CAPN14: variants seen among roughly 807,000 people sequenced by gnomAD.
The protein encoded by CAPN14 is calpain-14.
CAPN14 carries 94 observed loss-of-function variants against 101.3 expected under a neutral mutation model. That is an observed-to-expected ratio of 0.93 (90% CI 0.79 to 1.10). CAPN14 has a LOEUF of 1.10. Among genes scored for constraint, CAPN14 ranks in the 50% least tolerant of loss-of-function variants. The pLI, the probability that CAPN14 is intolerant of heterozygous loss-of-function variation, is 0.00. For synonymous variants in CAPN14, 338 were observed against 317.9 expected, an observed-to-expected ratio of 1.06 and a Z score of -0.67; for missense variants, 837 against 828.4, an observed-to-expected ratio of 1.01 and a Z score of -0.13.
chr2:31,195,604 T>C (rs916923009), intron 8 of CAPN14, among the ~76,000 whole-genome samples: 1 of 152,190 alleles, frequency 6.6e-6, no homozygotes, highest in Non-Finnish European at 1.5e-5. Context: ...CCCAAAGTGC[T>C]GGGATTACAG....
chr2:31,193,711 G>A (rs1681328064), intron 9 of CAPN14, among the ~76,000 whole-genome samples: 1 of 152,200 alleles, frequency 6.6e-6, no homozygotes, highest in African/African-American at 2.4e-5. Flanking sequence ...CTAACTTGTG[G>A]CCTGCGACAC....
intron 10 of CAPN14, among the ~76,000 whole-genome samples, 200 bp downstream of exon 10, chr2:31,192,931 C>T (rs534399292): frequency 1.3e-5 from 2 of 152,190 alleles, no homozygotes; most frequent in African/African-American, 4.8e-5. Context: ...TGAGAGGACT[C>T]TGCCTTGGTG....
Position 31,203,069 on chromosome 2 carries a change from C to A in CAPN14, c.295+1G>T, listed in dbSNP as rs1415692355. On this transcript the variant is annotated splice_donor_variant, in intron 3 of 21. Coordinates refer to ENST00000403897, the MANE Select transcript of CAPN14 (RefSeq NM_001145122.2). LOFTEE classifies it high-confidence loss of function. ...TGTCTCTCGGGGCTGTGCAAACTTA[C>A]CTACTATCCCCTGGCACAGATCCAG... 2 of 1,551,302 alleles carry A rather than the reference C, an allele frequency of 1.3e-6. No individual in the cohort carries two copies. Among genetic ancestry groups the A allele is most frequent in the African/African-American group, 2.7e-5 (2 of 73,036 alleles).
chr2:31,205,409 C>T lies in CAPN14; in HGVS notation c.39G>A (p.Leu13=), dbSNP rs1281840005. ...ACGCCCTCCTAGAGTACCTTGGCGC[C>T]AGCTTCCATCTGCATCGGAAAGGTG... ...LWPPFRCRWK[L]APRYSRRASP... Residue 13 remains leucine (L), a synonymous_variant, in exon 2 of 22, where the codon CTG becomes CTA. Coordinates refer to ENST00000403897, the MANE Select transcript of CAPN14 (RefSeq NM_001145122.2). The T allele has an allele frequency of 5.2e-6, 8 of 1,551,412 alleles. No homozygotes were observed. The highest frequency in any genetic ancestry group is 6.1e-6 in the Non-Finnish European group (7 of 1,146,972).
At chr2:31,191,474 A>T in intron 11 of CAPN14, 67 bp from the exon 12 acceptor site, 1 of 1,477,184 alleles carries the variant, frequency 6.8e-7, no homozygotes, top group Non-Finnish European at 9.1e-7. Context: ...TTAAGCAGGG[A>T]ATCTGGCTCT....
At chr2:31,207,524 T>C (rs1682164731) in intron 1 of CAPN14, among the ~76,000 whole-genome samples, 1 of 152,232 alleles carries the variant, frequency 6.6e-6, no homozygotes, top group Non-Finnish European at 1.5e-5. Flanking sequence ...TCCCAGCACT[T>C]TGGGAAGCCA....
chr2:31,204,674 C>T (rs1681978153), intron 2 of CAPN14, among the ~76,000 whole-genome samples: 1 of 152,150 alleles, frequency 6.6e-6, no homozygotes, highest in Non-Finnish European at 1.5e-5. Flanking sequence ...GGTGCCACAA[C>T]CAGGGAGGGC....
At chr2:31,221,198 A>T (rs1191027757), upstream of CAPN14, among the ~76,000 whole-genome samples, 5 of 152,228 alleles carry the variant, frequency 3.3e-5, no homozygotes, top group African/African-American at 4.8e-5. Flanking sequence ...TCTCAACAGA[A>T]GGGTGTTTTC....
At chr2:31,177,230 G>A in intron 19 of CAPN14, 88 bp from the exon 20 acceptor site, 1 of 799,458 alleles carries the variant, frequency 1.3e-6, no homozygotes, top group African/African-American at 1.8e-5. Flanking sequence ...TGTCCCTCCA[G>A]TTTAGGGACC....
rs1681069344 is a variant in CAPN14 at position 31,189,474 on chromosome 2, T to C, written c.1292A>G (p.His431Arg). ...AGGGGGCAGTCTCCTCTGGTCATCA[T>C]GGTACTGTGGGTAGAGGACAGAAGA... ...GFYLYRMNKY[H>R]DDQRRLPPEF... The change falls in exon 13 of 22, where the codon CAT becomes CGT. Residue 431 changes from histidine (H) to arginine (R), a missense_variant. By Grantham distance (29) the His-to-Arg change is conservative. Transcript: ENST00000403897. 2 of 1,550,938 alleles carry C rather than the reference T, an allele frequency of 1.3e-6. No homozygotes were observed. Among genetic ancestry groups the C allele is most frequent in the African/African-American group, 2.7e-5 (2 of 73,026 alleles).
rs952842092 is a variant in CAPN14 at position 31,193,198 on chromosome 2, C to T, written c.1047G>A (p.Thr349=). 1.9e-5 allele frequency: 30 copies of T among 1,551,660 alleles called. No homozygotes were observed. The highest frequency in any genetic ancestry group is 3.6e-5 in the South Asian group (3 of 84,058). The change falls in exon 10 of 22, where the codon ACG becomes ACA. Residue 349 remains threonine, a synonymous_variant. Coordinates refer to ENST00000403897, the MANE Select transcript of CAPN14 (RefSeq NM_001145122.2). ...LLSQEAAQKW[T]YTMREGRWEK... ...CCCATCTCCCCTCCCGCATGGTGTA[C>T]GTCCACTTCTGGGCCGCCTCCTGGC...
chr2:31,228,423 C>T (rs1189559913), intron 1 of CAPN14: 1 of 152,174 alleles, frequency 6.6e-6, no homozygotes, highest in Non-Finnish European at 1.5e-5. Flanking sequence ...ATGGAAAAGT[C>T]TTCTGTTTCA....
intron 3 of CAPN14, among the ~76,000 whole-genome samples, 153 bp downstream of exon 3, chr2:31,202,917 A>G (rs1373218): frequency 0.53 from 80,483 of 151,978 alleles, 21,639 homozygotes; most frequent in East Asian, 0.61. Context: ...AAAGAACAGA[A>G]CATGTCCAGG....
intron 1 of CAPN14, among the ~76,000 whole-genome samples, chr2:31,210,035 G>A (rs1406770748): frequency 6.6e-6 from 1 of 152,234 alleles, no homozygotes; most frequent in Non-Finnish European, 1.5e-5. Context: ...GTGAGAATCT[G>A]TGAAGGCTTT....
intron 6 of CAPN14, 21 bp downstream of exon 6, chr2:31,200,430 C>T (rs1430005462): frequency 6.5e-7 from 1 of 1,540,900 alleles, no homozygotes; most frequent in Non-Finnish European, 8.8e-7. Context: ...GGACATTCTG[C>T]CAGTGGCAGC....
intron 14 of CAPN14, 108 bp from the exon 15 acceptor site, chr2:31,187,922 G>C: frequency 1.1e-6 from 1 of 870,612 alleles, no homozygotes; most frequent in Non-Finnish European, 1.8e-6. Flanking sequence ...CCATGAGCTT[G>C]ACTTTGCATC....
chr2:31,180,373 G>A (rs1680530032), intron 17 of CAPN14, among the ~76,000 whole-genome samples: 1 of 152,132 alleles, frequency 6.6e-6, no homozygotes, highest in Non-Finnish European at 1.5e-5. Context: ...CCTCTCAATA[G>A]TATGGATGAT....
Position 31,205,314 on chromosome 2 carries a change from T to C in CAPN14, c.134A>G (p.Glu45Gly). 1 of 1,550,788 alleles carries C rather than the reference T, an allele frequency of 6.4e-7. No homozygotes were observed. Among genetic ancestry groups the C allele is most frequent in the Non-Finnish European group, 8.7e-7 (1 of 1,146,962 alleles). ...AECLRNGCLF[E>G]DTSFPATLSS... Reference sequence around the variant, plus strand: ...CAGGGTGGCCGGGAAGCTGGTGTCTTCAAAGAGGCAGCCATTCCTCAGGCA... The same window carrying C: ...CAGGGTGGCCGGGAAGCTGGTGTCTCCAAAGAGGCAGCCATTCCTCAGGCA... Residue 45 changes from glutamate (E) to glycine (G), a missense_variant, in exon 2 of 22, where the codon GAA becomes GGA. Coordinates refer to ENST00000403897, the MANE Select transcript of CAPN14 (RefSeq NM_001145122.2).
In CAPN14 at chr2:31,193,128, C is replaced by T. The variant is rs374839291; in HGVS notation, c.1114+3G>A. 35 of 1,548,970 alleles carry T rather than the reference C, an allele frequency of 2.3e-5. No homozygotes were observed. Among genetic ancestry groups the T allele is most frequent in the Non-Finnish European group, 2.6e-5 (30 of 1,146,786 alleles). ...AGAGCCCTGCTCCTGTGCACATGCT[C>T]ACCCTGCAGCAACTGCCTCTGGCCA... On this transcript the variant is annotated splice_donor_region_variant and intron_variant, in intron 10 of 21. Coordinates refer to ENST00000403897, the MANE Select transcript of CAPN14 (RefSeq NM_001145122.2).
Sources: allele counts gnomAD v4.1 joint callset (sites outside exome capture counted in the v4.1 genomes callset), GRCh38; gene constraint gnomAD v4.1.1; transcripts MANE v1.5; gene names NCBI Gene and HGNC (gene_info 2026-07-23, HGNC 2026-07-21).